Variants in MAP3K7 observed in about 807,000 individuals in gnomAD.
The protein encoded by MAP3K7 is mitogen-activated protein kinase kinase kinase 7, also known as TGF-beta activated kinase 1.
In MAP3K7, 21 loss-of-function variants were observed where a neutral mutation model predicts 84.8. The ratio of observed to expected loss-of-function variants is 0.25; its 90% CI spans 0.18 to 0.36. The LOEUF is 0.36. Among genes scored for constraint, MAP3K7 ranks in the 10% least tolerant of loss-of-function variants. The probability of loss-of-function intolerance (pLI) is 1.00; values close to 1 mark genes in which losing one functional copy is unlikely to be tolerated. For missense variants in MAP3K7, 503 were observed against 747.7 expected, an observed-to-expected ratio of 0.67 and a Z score of 3.82; for synonymous variants, 241 against 247.7, an observed-to-expected ratio of 0.97 and a Z score of 0.25.
chr6:90,538,584 C>G (rs912753481), intron 12 of MAP3K7, among the ~76,000 whole-genome samples: 1 of 151,790 alleles, frequency 6.6e-6, no homozygotes, highest in African/African-American at 2.4e-5. Flanking sequence ...AGAACAAATT[C>G]CACTTTTTAG....
At chr6:90,579,469 C>T (rs192994193) in intron 1 of MAP3K7, among the ~76,000 whole-genome samples, 1 of 152,184 alleles carries the variant, frequency 6.6e-6, no homozygotes, top group East Asian at 1.9e-4. Context: ...TGAATCTGTT[C>T]TCTAATCTCA....
intron 3 of MAP3K7, among the ~76,000 whole-genome samples, 178 bp downstream of exon 3, chr6:90,568,380 C>A (rs1776785910): frequency 6.6e-6 from 1 of 152,046 alleles, no homozygotes; most frequent in South Asian, 2.1e-4. Flanking sequence ...AGTCCTTGAA[C>A]TATTGGGATC....
At position 90,567,425 on chromosome 6, in the gene MAP3K7, AAAG is replaced by A. The variant is rs551254516; in HGVS notation, c.297+1130_297+1132del. 1.4e-3 allele frequency among the ~76,000 whole-genome samples: 211 copies of A among 152,384 alleles called. 1 individual carries two copies. The highest frequency in any genetic ancestry group is 5.0e-3 in the African/African-American group (206 of 41,592). ...AAAGGATATGAACAGACACTTCTCA[AAAG>A]AAGATGTTTATGCAGCCAAAAGACA... On this transcript the variant is annotated intron_variant, in intron 3 of 16. Coordinates refer to ENST00000369329, the MANE Select transcript of MAP3K7 (RefSeq NM_145331.3).
At position 90,523,751 on chromosome 6, in the gene MAP3K7, T is replaced by C; in HGVS notation, c.1389A>G (p.Arg463=). The change falls in exon 14 of 17, where the codon AGA becomes AGG. Residue 463 remains arginine (R), a synonymous_variant. Transcript: ENST00000369329. ...AGGTTGGTCCTGAGGTAGTAATCAT[T>C]CTGACACTGGGACTGGATGACCTAC... ...VSSRSSSPSV[R]MITTSGPTSE... 1.9e-6 allele frequency: 3 copies of C among 1,612,442 alleles called. No individual in the cohort carries two copies. The highest frequency in any genetic ancestry group is 2.5e-6 in the Non-Finnish European group (3 of 1,178,692).
At chr6:90,585,363 C>G (rs1777410711) in intron 1 of MAP3K7, among the ~76,000 whole-genome samples, 1 of 152,074 alleles carries the variant, frequency 6.6e-6, no homozygotes, top group Non-Finnish European at 1.5e-5. Context: ...AAAACATGCA[C>G]AGGAAAAAAA....
intron 2 of MAP3K7, among the ~76,000 whole-genome samples, chr6:90,570,798 G>T (rs1028160270): frequency 3.3e-5 from 5 of 152,118 alleles, no homozygotes; most frequent in African/African-American, 1.2e-4. Flanking sequence ...AATGTAACAG[G>T]AAATGATCAA....
chr6:90,549,325 T>C (rs1315501579), intron 9 of MAP3K7, among the ~76,000 whole-genome samples: 1 of 152,040 alleles, frequency 6.6e-6, no homozygotes, highest in Non-Finnish European at 1.5e-5. Context: ...GGCTACAGTA[T>C]AAAATTAAGA....
In MAP3K7 at chr6:90,570,222, T is replaced by C. The variant is rs1406524033; in HGVS notation, c.231+1475A>G. On this transcript the variant is annotated intron_variant, in intron 2 of 16. Coordinates refer to ENST00000369329, the MANE Select transcript of MAP3K7 (RefSeq NM_145331.3). ...GAGAATGCAAAGTGCACAAACAGCA[T>C]ACATTTTTGGAAGCTGGAAAGCAAA... Among the ~76,000 whole-genome samples, 37 of 152,128 alleles carry C rather than the reference T, an allele frequency of 2.4e-4. 1 individual carries two copies. The highest frequency in any genetic ancestry group is 2.4e-3 in the Admixed American group (36 of 15,268).
chr6:90,524,298 T>C (rs1775250603), intron 13 of MAP3K7, among the ~76,000 whole-genome samples: 1 of 152,184 alleles, frequency 6.6e-6, no homozygotes, highest in Admixed American at 6.5e-5. Context: ...CTTGGGTTAG[T>C]GGCTCTGGGT....
At chr6:90,527,556 T>G (rs928281813) in intron 13 of MAP3K7, among the ~76,000 whole-genome samples, 1 of 152,122 alleles carries the variant, frequency 6.6e-6, no homozygotes, top group African/African-American at 2.4e-5. Flanking sequence ...TGTGAGCCCC[T>G]GTGCCCAGTG....
chr6:90,577,639 GA>G (rs1206977909), intron 1 of MAP3K7, among the ~76,000 whole-genome samples: 3 of 152,210 alleles, frequency 2.0e-5, no homozygotes, highest in Admixed American at 6.5e-5. Flanking sequence ...GAAGCCAAAA[GA>G]AAAAGACGTT....
At chr6:90,527,229 T>A (rs1775348368) in intron 13 of MAP3K7, among the ~76,000 whole-genome samples, 1 of 152,136 alleles carries the variant, frequency 6.6e-6, no homozygotes. Context: ...TTAACAAACT[T>A]AAATTCCATG....
At chr6:90,582,637 T>A (rs1777312297) in intron 1 of MAP3K7, among the ~76,000 whole-genome samples, 1 of 152,140 alleles carries the variant, frequency 6.6e-6, no homozygotes, top group Admixed American at 6.5e-5. Flanking sequence ...CAAAGAAAAT[T>A]CATCTTAGTG....
chr6:90,556,686 A>G, intron 5 of MAP3K7, 62 bp from the exon 6 acceptor site: 2 of 1,492,550 alleles, frequency 1.3e-6, no homozygotes, highest in Non-Finnish European at 1.8e-6. Flanking sequence ...TCTACAATAA[A>G]AGAAGAGACA....
At position 90,547,308 on chromosome 6, in the gene MAP3K7, C is replaced by G. The variant is rs375763475; in HGVS notation, c.1160G>C (p.Arg387Thr). 5.6e-6 allele frequency: 9 copies of G among 1,612,970 alleles called. No individual in the cohort carries two copies. The highest frequency in any genetic ancestry group is 1.1e-5 in the South Asian group (1 of 90,960). ...ESLPPTSEGK[R>T]MSADMSEIEA... is the part of the protein sequence containing the mutation. ...TATTTCAGACATGTCAGCACTCATC[C>G]TCTTGCCCTCAGAGGTTGGGGGCAA... The change falls in exon 11 of 17, where the codon AGG becomes ACG. Residue 387 changes from arginine to threonine, a missense_variant. By Grantham distance (71) the Arg-to-Thr change is moderately conservative. Coordinates refer to ENST00000369329, the MANE Select transcript of MAP3K7 (RefSeq NM_145331.3).
At chr6:90,571,486 T>C (rs1049367974) in intron 2 of MAP3K7, among the ~76,000 whole-genome samples, 2 of 152,110 alleles carry the variant, frequency 1.3e-5, no homozygotes, top group Admixed American at 1.3e-4. Context: ...AATTCATTTA[T>C]GTAGTTAAGT....
intron 3 of MAP3K7, 132 bp from the exon 4 acceptor site, chr6:90,561,799 A>G: frequency 1.4e-6 from 1 of 690,138 alleles, no homozygotes; most frequent in Non-Finnish European, 2.6e-6. Context: ...TACTATGTGA[A>G]TAGTACTAGG....
At chr6:90,582,305 GAAC>G (rs1265839154) in intron 1 of MAP3K7, among the ~76,000 whole-genome samples, 8 of 152,148 alleles carry the variant, frequency 5.3e-5, no homozygotes, top group African/African-American at 1.7e-4. Flanking sequence ...TAATATAAGA[GAAC>G]AAGATGGGCA....
intron 12 of MAP3K7, among the ~76,000 whole-genome samples, chr6:90,540,610 A>G (rs983230423): frequency 2.0e-5 from 3 of 151,968 alleles, no homozygotes; most frequent in African/African-American, 4.8e-5. Context: ...TGGTAAGTAT[A>G]TATGTATATG....
Sources: gnomAD v4.1 joint callset for allele counts (sites outside exome capture counted in the v4.1 genomes callset) on GRCh38, gnomAD v4.1.1 for gene constraint, MANE v1.5 for transcripts, NCBI Gene and HGNC (gene_info 2026-07-23, HGNC 2026-07-21) for gene names.